Variants in ARHGEF7 observed in about 807,000 individuals in gnomAD.
ARHGEF7 encodes Rho guanine nucleotide exchange factor 7.
In ARHGEF7, 33 loss-of-function variants were observed where a neutral mutation model predicts 109.8. That is an observed-to-expected ratio of 0.30 (90% CI 0.23 to 0.40). The LOEUF (loss-of-function observed/expected upper bound fraction) is 0.40. ARHGEF7 is among the 10% of genes least tolerant of loss of function. The probability of loss-of-function intolerance (pLI) is 1.00; values close to 1 mark genes in which losing one functional copy is unlikely to be tolerated. For missense variants in ARHGEF7, 938 were observed against 1,098.5 expected (o/e 0.85, Z 2.07); for synonymous variants, 458 against 424.6 (o/e 1.08, Z -0.97).
chr13:111,292,435 A>G (rs2093318202), intron 19 of ARHGEF7, 141 bp downstream of exon 19: 1 of 1,467,192 alleles, frequency 6.8e-7, no homozygotes, highest in East Asian at 2.4e-5. Flanking sequence ...TATTTTAACA[A>G]CTTTTGAGAG....
At chr13:111,296,848 T>G (rs768502888) in intron 19 of ARHGEF7, among the ~76,000 whole-genome samples, 15 of 152,220 alleles carry the variant, frequency 9.9e-5, no homozygotes, top group Non-Finnish European at 1.2e-4. Context: ...AACGATGTGT[T>G]GTGGAACCCC....
At chr13:111,188,948 A>G (rs9588376) in intron 2 of ARHGEF7, among the ~76,000 whole-genome samples, 1 of 152,226 alleles carries the variant, frequency 6.6e-6, no homozygotes, top group East Asian at 1.9e-4. Context: ...GTATTAATAA[A>G]CAGTTCCTAC....
At chr13:111,192,343 A>G (rs896483168) in intron 2 of ARHGEF7, among the ~76,000 whole-genome samples, 1 of 152,304 alleles carries the variant, frequency 6.6e-6, no homozygotes, top group African/African-American at 2.4e-5. Flanking sequence ...GATTTGACCA[A>G]CACTAGATCT....
intron 5 of ARHGEF7, among the ~76,000 whole-genome samples, 187 bp downstream of exon 5, chr13:111,218,067 C>G (rs910442344): frequency 2.6e-5 from 4 of 152,182 alleles, no homozygotes; most frequent in African/African-American, 9.7e-5. Flanking sequence ...CAAGGGCTCT[C>G]TAGTTACTAG....
chr13:111,139,998 A>G (rs532511954), intron 1 of ARHGEF7, among the ~76,000 whole-genome samples: 1 of 152,384 alleles, frequency 6.6e-6, no homozygotes, highest in East Asian at 1.9e-4. Context: ...TTTTCGGGAT[A>G]GTTCCTGTCT....
At chr13:111,268,671 C>T (rs747878750) in intron 9 of ARHGEF7, among the ~76,000 whole-genome samples, 1 of 152,150 alleles carries the variant, frequency 6.6e-6, no homozygotes, top group African/African-American at 2.4e-5. Flanking sequence ...GCTGTGGCTG[C>T]TCCCTTCAGG....
Position 111,154,001 on chromosome 13 carries a change from G to A in ARHGEF7, c.252+10G>A. 1 of 1,594,882 alleles carries A rather than the reference G, an allele frequency of 6.3e-7. No homozygotes were observed. The highest frequency in any genetic ancestry group is 8.5e-7 in the Non-Finnish European group (1 of 1,174,084). On this transcript the variant is annotated intron_variant, in intron 2 of 21. Coordinates refer to ENST00000646102, the MANE Select transcript of ARHGEF7 (RefSeq NM_001354046.2). ...TTCCCTGCGGCTGGAGGTGAGCGCGGGCGGCCACGGGCCGAGGGAGGGGCC... is the reference window on the plus strand; with the variant it reads ...TTCCCTGCGGCTGGAGGTGAGCGCGAGCGGCCACGGGCCGAGGGAGGGGCC...
At chr13:111,198,899 G>A (rs1308144078) in intron 2 of ARHGEF7, among the ~76,000 whole-genome samples, 2 of 134,752 alleles carry the variant, frequency 1.5e-5, no homozygotes, top group African/African-American at 2.5e-5. Flanking sequence ...GCTCTGATTG[G>A]TGCATTTTTA....
chr13:111,194,307 G>A (rs1298625583), intron 2 of ARHGEF7, among the ~76,000 whole-genome samples: 2 of 152,260 alleles, frequency 1.3e-5, no homozygotes, highest in African/African-American at 4.8e-5. Context: ...TTTGAAGGCT[G>A]TTTCTGTCCC....
chr13:111,283,599 G>A (rs955300813), intron 16 of ARHGEF7, among the ~76,000 whole-genome samples: 1 of 152,254 alleles, frequency 6.6e-6, no homozygotes, highest in Non-Finnish European at 1.5e-5. Context: ...TGCACAGGGG[G>A]GCCTTTACTG....
intron 5 of ARHGEF7, among the ~76,000 whole-genome samples, chr13:111,229,227 C>A (rs546525929): frequency 6.6e-6 from 1 of 152,168 alleles, no homozygotes; most frequent in African/African-American, 2.4e-5. Context: ...AGGACTACTT[C>A]CAGCTCACTC....
chr13:111,189,264 A>G (rs1008341971), intron 2 of ARHGEF7, among the ~76,000 whole-genome samples: 1 of 152,318 alleles, frequency 6.6e-6, no homozygotes, highest in African/African-American at 2.4e-5. Context: ...TGACTTCAAG[A>G]ATGAAGCCGC....
At chr13:111,275,130 G>A (rs550115994) in intron 11 of ARHGEF7, among the ~76,000 whole-genome samples, 204 of 152,268 alleles carry the variant, frequency 1.3e-3, no homozygotes, top group African/African-American at 4.6e-3. Flanking sequence ...TACCAACTGC[G>A]TTTTGGAAAT....
At chr13:111,235,149 A>G (rs2086628365) in intron 6 of ARHGEF7, among the ~76,000 whole-genome samples, 1 of 152,206 alleles carries the variant, frequency 6.6e-6, no homozygotes, top group Admixed American at 6.5e-5. Context: ...GAGATTCCAA[A>G]GGGTGTGTTA....
upstream of ARHGEF7, chr13:111,114,981 T>A (rs2066642065): frequency 6.6e-6 from 1 of 151,812 alleles, no homozygotes; most frequent in Non-Finnish European, 1.5e-5. Flanking sequence ...ATTTCAACGC[T>A]CACGAATTCA....
At chr13:111,219,038 G>C (rs1472700823) in intron 5 of ARHGEF7, among the ~76,000 whole-genome samples, 1 of 152,158 alleles carries the variant, frequency 6.6e-6, no homozygotes, top group East Asian at 1.9e-4. Context: ...ATGTAAAGCA[G>C]TTCGCCATTT....
At chr13:111,268,941 G>C (rs942086183) in intron 9 of ARHGEF7, among the ~76,000 whole-genome samples, 1 of 152,130 alleles carries the variant, frequency 6.6e-6, no homozygotes, top group African/African-American at 2.4e-5. Context: ...AAGATTTTTT[G>C]AACTTCCTAT....
Position 111,243,941 on chromosome 13 carries a change from C to A in ARHGEF7, c.829C>A (p.Leu277Ile). 3 of 1,613,068 alleles carry A rather than the reference C, an allele frequency of 1.9e-6. No individual in the cohort carries two copies. The highest frequency in any genetic ancestry group is 2.5e-6 in the Non-Finnish European group (3 of 1,179,322). The change falls in exon 7 of 22, where the codon CTA (leucine) becomes ATA (isoleucine). Residue 277 changes from leucine to isoleucine, a missense_variant. Around this residue, in one of 4 missense-constraint regions of ARHGEF7, gnomAD observed 585 missense variants for 723.6 expected, o/e 0.81. Coordinates refer to ENST00000646102, the MANE Select transcript of ARHGEF7 (RefSeq NM_001354046.2). ...ACTTCAGACTGTGCTTTCAACGTACCTACGGCCATTGCAGACCAGTGAGAA... is the reference window on the plus strand; with the variant it reads ...ACTTCAGACTGTGCTTTCAACGTACATACGGCCATTGCAGACCAGTGAGAA... Reference protein sequence around the residue: ...KELQTVLSTYLRPLQTSEKLS... With the variant: ...KELQTVLSTYIRPLQTSEKLS...
intron 4 of ARHGEF7, among the ~76,000 whole-genome samples, chr13:111,216,318 T>G (rs1049096105): frequency 2.0e-5 from 3 of 152,070 alleles, no homozygotes; most frequent in Non-Finnish European, 4.4e-5. Flanking sequence ...GAGCGGGGGC[T>G]GTATGTCAAG....
Sources: allele counts gnomAD v4.1 joint callset (sites outside exome capture counted in the v4.1 genomes callset), GRCh38; gene constraint gnomAD v4.1.1; regional missense constraint gnomAD v4.1.1; transcripts MANE v1.5; gene names NCBI Gene and HGNC (gene_info 2026-07-23, HGNC 2026-07-21).